The following SPAG16 variants were observed in gnomAD, a reference collection of about 807,000 sequenced individuals.
SPAG16 encodes the protein sperm associated antigen 16.
A neutral mutation model predicts 80.4 loss-of-function variants in SPAG16; 86 were observed. That is an observed-to-expected ratio of 1.07 (90% CI 0.90 to 1.28). The LOEUF is 1.28. Among genes scored for constraint, SPAG16 ranks in the 50% most tolerant of loss-of-function variants. SPAG16 has a pLI of 0.00. For synonymous variants in SPAG16, 294 were observed against 265.9 expected (o/e 1.11, Z -1.03); for missense variants, 870 against 765.3 (o/e 1.14, Z -1.61).
chr2:214,254,044 T>A (rs1690498009), intron 15 of SPAG16, among the ~76,000 whole-genome samples: 1 of 152,146 alleles, frequency 6.6e-6, no homozygotes, highest in South Asian at 2.1e-4. Context: ...TATTCCTAGG[T>A]ATTTTATTCT....
chr2:213,762,844 G>A (rs2068734406), intron 10 of SPAG16, among the ~76,000 whole-genome samples: 1 of 152,104 alleles, frequency 6.6e-6, no homozygotes, highest in South Asian at 2.1e-4. Context: ...GAGTGAAAAT[G>A]CAGTCCACGG....
chr2:214,018,555 A>G (rs546464282), intron 13 of SPAG16, among the ~76,000 whole-genome samples: 1 of 152,176 alleles, frequency 6.6e-6, no homozygotes, highest in African/African-American at 2.4e-5. Flanking sequence ...TGCAACATCA[A>G]CTGAATCCAT....
chr2:213,907,186 A>C (rs2106150388), intron 11 of SPAG16, among the ~76,000 whole-genome samples: 1 of 152,294 alleles, frequency 6.6e-6, no homozygotes, highest in South Asian at 2.1e-4. Context: ...CAATGACAAA[A>C]CCTACAAGCA....
chr2:213,685,481 G>T (rs6715355), intron 10 of SPAG16, among the ~76,000 whole-genome samples: 59,475 of 152,112 alleles, frequency 0.39, 12,250 homozygotes, highest in African/African-American at 0.5. Context: ...AACACCTTGA[G>T]TTTGGCCTTC....
chr2:213,407,648 A>T (rs1350905100), intron 9 of SPAG16, among the ~76,000 whole-genome samples: 6 of 128,266 alleles, frequency 4.7e-5, no homozygotes. Flanking sequence ...AGACAGACAG[A>T]CAGGAGAGAG....
chr2:213,389,102 G>GA (rs1252778460), intron 9 of SPAG16, among the ~76,000 whole-genome samples: 1 of 152,108 alleles, frequency 6.6e-6, no homozygotes, highest in Non-Finnish European at 1.5e-5. Context: ...AAACAGCCCA[G>GA]AAATAAACCC....
At chr2:213,383,334 T>A (rs907869858) in intron 9 of SPAG16, among the ~76,000 whole-genome samples, 11 of 152,172 alleles carry the variant, frequency 7.2e-5, no homozygotes, top group African/African-American at 2.2e-4. Context: ...GTATTTAGTA[T>A]CTTGCTGACC....
chr2:214,273,323 T>C (rs977468411), intron 15 of SPAG16, among the ~76,000 whole-genome samples: 1 of 152,218 alleles, frequency 6.6e-6, no homozygotes, highest in Non-Finnish European at 1.5e-5. Flanking sequence ...ATTTTGGCTT[T>C]TGTTGCCATT....
At chr2:214,401,657 A>T (rs1701715620) in intron 15 of SPAG16, among the ~76,000 whole-genome samples, 1 of 151,918 alleles carries the variant, frequency 6.6e-6, no homozygotes, top group African/African-American at 2.4e-5. Flanking sequence ...TAATAAGCTT[A>T]AAAGGTTTGA....
chr2:213,938,859 A>G (rs565620379), intron 12 of SPAG16, among the ~76,000 whole-genome samples: 1 of 142,852 alleles, frequency 7.0e-6, no homozygotes, highest in Admixed American at 7.3e-5. Context: ...GATAATAAAG[A>G]TGAGGTTTTT....
At chr2:214,083,185 G>A (rs969814389) in intron 13 of SPAG16, among the ~76,000 whole-genome samples, 6 of 152,182 alleles carry the variant, frequency 3.9e-5, no homozygotes, top group Non-Finnish European at 5.9e-5. Flanking sequence ...AGAGGGGACG[G>A]AATGTGTGAT....
At chr2:213,581,390 A>C (rs1319510745) in intron 10 of SPAG16, among the ~76,000 whole-genome samples, 1 of 151,822 alleles carries the variant, frequency 6.6e-6, no homozygotes, top group African/African-American at 2.4e-5. Context: ...CTAATTTTAA[A>C]ATTTTTTTTG....
At chr2:214,058,593 A>C (rs2050064918) in intron 13 of SPAG16, among the ~76,000 whole-genome samples, 1 of 152,046 alleles carries the variant, frequency 6.6e-6, no homozygotes, top group South Asian at 2.1e-4. Flanking sequence ...GCACATGCAG[A>C]CGGCAAAATA....
At chr2:213,466,182 C>T (rs1022986510) in intron 9 of SPAG16, among the ~76,000 whole-genome samples, 1 of 152,134 alleles carries the variant, frequency 6.6e-6, no homozygotes, top group African/African-American at 2.4e-5. Flanking sequence ...TTGCAGACAG[C>T]CTACTGTGGG....
At chr2:213,992,156 T>C (rs1237285815) in intron 12 of SPAG16, among the ~76,000 whole-genome samples, 1 of 152,188 alleles carries the variant, frequency 6.6e-6, no homozygotes, top group African/African-American at 2.4e-5. Flanking sequence ...GCCCCGTTTA[T>C]AAAGTTTTAC....
At chr2:213,348,058 A>C (rs1375938092) in intron 6 of SPAG16, among the ~76,000 whole-genome samples, 1 of 152,176 alleles carries the variant, frequency 6.6e-6, no homozygotes, top group African/African-American at 2.4e-5. Context: ...TGCTTTAAGA[A>C]TCTGGGTGCT....
chr2:213,803,182 A>G (rs991351249), intron 10 of SPAG16, among the ~76,000 whole-genome samples: 1 of 152,216 alleles, frequency 6.6e-6, no homozygotes, highest in Non-Finnish European at 1.5e-5. Flanking sequence ...ATAACCTTTA[A>G]TAGTCAATTA....
intron 12 of SPAG16, among the ~76,000 whole-genome samples, chr2:213,973,853 C>G (rs773746318): frequency 6.6e-6 from 1 of 151,942 alleles, no homozygotes; most frequent in Non-Finnish European, 1.5e-5. Flanking sequence ...AATAAGTAAA[C>G]CTGTGAATTA....
chr2:214,196,081 G>T (rs747906696), intron 15 of SPAG16, among the ~76,000 whole-genome samples: 9 of 151,864 alleles, frequency 5.9e-5, no homozygotes, highest in Non-Finnish European at 1.3e-4. Context: ...AAAATTTCAG[G>T]CCCTTAAAGA....
Sources: allele counts gnomAD v4.1 joint callset (sites outside exome capture counted in the v4.1 genomes callset), GRCh38; gene constraint gnomAD v4.1.1; transcripts MANE v1.5; gene names NCBI Gene and HGNC (gene_info 2026-07-23, HGNC 2026-07-21).